The following CERS6 variants were observed in gnomAD, a reference collection of about 807,000 sequenced individuals.
CERS6 encodes the protein LAG1 homolog, ceramide synthase 6.
A neutral mutation model predicts 56.8 loss-of-function variants in CERS6; 26 were observed. The ratio of observed to expected loss-of-function variants is 0.46; its 90% CI spans 0.34 to 0.63. CERS6 has a LOEUF of 0.63. Among genes scored for constraint, CERS6 ranks in the 30% least tolerant of loss-of-function variants. The pLI is 0.01. For synonymous variants in CERS6, 164 were observed against 173.3 expected, an observed-to-expected ratio of 0.95 and a Z score of 0.42; for missense variants, 415 against 467.5, an observed-to-expected ratio of 0.89 and a Z score of 1.04.
intron 1 of CERS6, among the ~76,000 whole-genome samples, chr2:168,462,631 A>G (rs1355783339): frequency 6.6e-6 from 1 of 152,182 alleles, no homozygotes; most frequent in Non-Finnish European, 1.5e-5. Flanking sequence ...TACAGCCTTG[A>G]GGCTCAAACA....
intron 3 of CERS6, among the ~76,000 whole-genome samples, chr2:168,590,078 G>T (rs1401109048): frequency 6.6e-6 from 1 of 152,204 alleles, no homozygotes; most frequent in Non-Finnish European, 1.5e-5. Flanking sequence ...ACTGATAAGA[G>T]AGGTTTCAGC....
chr2:168,490,899 G>C (rs1694358999), intron 1 of CERS6, among the ~76,000 whole-genome samples: 1 of 152,186 alleles, frequency 6.6e-6, no homozygotes, highest in African/African-American at 2.4e-5. Flanking sequence ...TCCATATTTT[G>C]CTACCAAGTG....
intron 6 of CERS6, among the ~76,000 whole-genome samples, chr2:168,703,751 T>C (rs1251302956): frequency 2.0e-5 from 3 of 152,188 alleles, no homozygotes; most frequent in Admixed American, 1.3e-4. Flanking sequence ...GGAGGGCCGC[T>C]TCACCTCTCT....
chr2:168,502,235 C>T (rs907409072), intron 1 of CERS6, among the ~76,000 whole-genome samples: 14 of 150,982 alleles, frequency 9.3e-5, no homozygotes, highest in African/African-American at 2.2e-4. Context: ...ATTGGATGTT[C>T]GTTTGGACCT....
rs114662926 is a variant in CERS6, at chr2:168,488,553, G to A, written c.170+31935G>A. On this transcript the variant is annotated intron_variant, in intron 1 of 9. Transcript: ENST00000305747. Reference sequence around the variant, plus strand: ...GTTTAGATCATTTTTGTTTAATATAGTTAGTGACATGATTGGATTTAGACA... The same window carrying A: ...GTTTAGATCATTTTTGTTTAATATAATTAGTGACATGATTGGATTTAGACA... Among the ~76,000 whole-genome samples, 1,185 of 152,078 alleles carry A rather than the reference G, an allele frequency of 7.8e-3. 16 individuals are homozygous for A. The highest frequency in any genetic ancestry group is 0.027 in the African/African-American group (1,135 of 41,514).
At chr2:168,515,634 AC>A (rs139816583) in intron 1 of CERS6, among the ~76,000 whole-genome samples, 3,975 of 152,248 alleles carry the variant, frequency 0.026, 153 homozygotes, top group African/African-American at 0.09. Context: ...TTAAAAGGAG[AC>A]TTTGACAAGT....
intron 1 of CERS6, among the ~76,000 whole-genome samples, chr2:168,525,576 A>T (rs1458601637): frequency 6.6e-6 from 1 of 152,216 alleles, no homozygotes; most frequent in Non-Finnish European, 1.5e-5. Context: ...AGTGATGACG[A>T]GGCTTGAGGA....
chr2:168,561,628 G>A (rs907500019), intron 3 of CERS6, among the ~76,000 whole-genome samples: 1 of 152,182 alleles, frequency 6.6e-6, no homozygotes, highest in African/African-American at 2.4e-5. Context: ...TACTTTTATA[G>A]ATGTGGGTAG....
chr2:168,571,039 T>G (rs566568939), intron 3 of CERS6, among the ~76,000 whole-genome samples: 54 of 152,294 alleles, frequency 3.5e-4, no homozygotes, highest in African/African-American at 1.3e-3. Flanking sequence ...TAGGGCCCCT[T>G]CCTTATGGCT....
At chr2:168,567,955 G>A (rs1323606452) in intron 3 of CERS6, among the ~76,000 whole-genome samples, 1 of 152,140 alleles carries the variant, frequency 6.6e-6, no homozygotes, top group Admixed American at 6.5e-5. Context: ...CTTTTGCCTC[G>A]AGTAAGCCTT....
At chr2:168,733,070 A>G (rs1219046298) in intron 8 of CERS6, among the ~76,000 whole-genome samples, 4 of 152,196 alleles carry the variant, frequency 2.6e-5, no homozygotes, top group Admixed American at 2.6e-4. Context: ...TTCTTTTCGT[A>G]ATTAAATGTG....
At chr2:168,722,880 T>C (rs1683221448) in intron 8 of CERS6, among the ~76,000 whole-genome samples, 1 of 152,210 alleles carries the variant, frequency 6.6e-6, no homozygotes, top group Non-Finnish European at 1.5e-5. Context: ...CCACTGTTCC[T>C]TCCTGATGAT....
At chr2:168,552,682 G>A (rs1463842090) in intron 2 of CERS6, among the ~76,000 whole-genome samples, 1 of 152,098 alleles carries the variant, frequency 6.6e-6, no homozygotes, top group African/African-American at 2.4e-5. Context: ...TGGCAAGAGT[G>A]GAGGAGGGAC....
intron 1 of CERS6, among the ~76,000 whole-genome samples, chr2:168,473,628 T>C (rs1194445024): frequency 1.3e-5 from 2 of 152,124 alleles, no homozygotes; most frequent in Non-Finnish European, 2.9e-5. Flanking sequence ...CAAAATTGTG[T>C]TTGAAATATT....
Sources: gnomAD v4.1 joint callset for allele counts (sites outside exome capture counted in the v4.1 genomes callset) on GRCh38, gnomAD v4.1.1 for gene constraint, MANE v1.5 for transcripts, NCBI Gene and HGNC (gene_info 2026-07-23, HGNC 2026-07-21) for gene names.